Variants in MEPE observed in about 807,000 individuals in gnomAD.
The protein encoded by MEPE is matrix, extracellular phosphoglycoprotein with ASARM motif (bone).
A neutral mutation model predicts 7.3 loss-of-function variants in MEPE; 7 were observed. The observed-to-expected ratio is 0.95, with a 90% CI of 0.54 to 1.79. MEPE has a LOEUF of 1.79. Ranked by LOEUF, MEPE falls within the 40% of genes most tolerant of loss-of-function variation. MEPE has a pLI of 0.00. For synonymous variants in MEPE, 214 were observed against 213.1 expected, an observed-to-expected ratio of 1.00 and a Z score of -0.04; for missense variants, 623 against 628.2, an observed-to-expected ratio of 0.99 and a Z score of 0.09.
At position 87,846,473 on chromosome 4, in the gene MEPE, C is replaced by T. The variant is rs1165571662; in HGVS notation, c.*27C>T. 1.3e-6 allele frequency: 2 copies of T among 1,593,848 alleles called. No individual in the cohort carries two copies. The highest frequency in any genetic ancestry group is 2.7e-5 in the African/African-American group (2 of 74,282). ...CCACCAGGAGTTCCCAGCGGGGTGA[C>T]AGTCTGAAGACCTCGTCACCTGTGA... On this transcript the variant is annotated 3_prime_UTR_variant, in exon 4 of 4. Coordinates refer to ENST00000361056, the MANE Select transcript of MEPE (RefSeq NM_020203.6).
chr4:87,834,839 AC>A, intron 2 of MEPE, 71 bp downstream of exon 2: 1 of 1,345,782 alleles, frequency 7.4e-7, no homozygotes, highest in Non-Finnish European at 1.0e-6. Flanking sequence ...CTTTCAAGCA[AC>A]GTCTATTTAA....
At position 87,846,487 on chromosome 4, in the gene MEPE, C is replaced by T. The variant is rs755112401; in HGVS notation, c.*41C>T. 8 of 1,575,818 alleles carry T rather than the reference C, an allele frequency of 5.1e-6. No individual in the cohort carries two copies. The highest frequency in any genetic ancestry group is 3.6e-5 in the South Asian group (3 of 83,764). On this transcript the variant is annotated 3_prime_UTR_variant, in exon 4 of 4. Coordinates refer to ENST00000361056, the MANE Select transcript of MEPE (RefSeq NM_020203.6). ...CAGCGGGGTGACAGTCTGAAGACCTCGTCACCTGTGAGTTGATGTAGAGGA... is the reference window on the plus strand; with the variant it reads ...CAGCGGGGTGACAGTCTGAAGACCTTGTCACCTGTGAGTTGATGTAGAGGA...
rs546697436 is a variant in MEPE, at chr4:87,824,728, G to T, written c.-13+3257G>T. ...TCTTTTCTTTGTGTTTTTTTTGTTT[G>T]TTTGTTTTCAATTTGAAGCTTTGTC... On this transcript the variant is annotated intron_variant, in intron 1 of 3. Coordinates refer to the MEPE transcript ENST00000424957. Among the ~76,000 whole-genome samples the T allele has an allele frequency of 2.6e-5, 4 of 152,036 alleles. No individual in the cohort carries two copies. In the South Asian group the frequency reaches 8.3e-4, roughly 32 times the overall value.
chr4:87,842,993 C>T (rs372730192), intron 3 of MEPE, among the ~76,000 whole-genome samples: 141 of 152,246 alleles, frequency 9.3e-4, no homozygotes, highest in South Asian at 6.8e-3. Flanking sequence ...CCCTTAACAT[C>T]AATATGTCTA....
chr4:87,846,551 G>T lies in MEPE; in HGVS notation c.*105G>T. The stretch of plus-strand genomic sequence containing the variant: ...GCTGACCAGGTGAAGAGAGGATAGA[G>T]TGAAGAACTGAGTGAGCCAAGAATC... On this transcript the variant is annotated 3_prime_UTR_variant, in exon 4 of 4. Transcript: ENST00000361056. The T allele has an allele frequency of 7.7e-7, 1 of 1,297,070 alleles. No homozygotes were observed. Among genetic ancestry groups the T allele is most frequent in the Non-Finnish European group, 1.1e-6 (1 of 947,302 alleles). The allele number at this position is 1,297,070 out of a possible 1,614,324, so 80.3% of individuals were successfully genotyped here. A position where few individuals can be genotyped will look rare whatever the true frequency, so the allele number is the denominator to read the frequency against.
At chr4:87,834,662 C>A (rs1038141920) in intron 1 of MEPE, 41 bp from the exon 2 acceptor site, 9 of 1,491,786 alleles carry the variant, frequency 6.0e-6, no homozygotes, top group Middle Eastern at 1.7e-4. Flanking sequence ...CAGTTTATAA[C>A]TGGCAATGCT....
In MEPE at chr4:87,845,887, A is replaced by G; in HGVS notation, c.1019A>G (p.Asp340Gly). 1 of 1,614,040 alleles carries G rather than the reference A, an allele frequency of 6.2e-7. No individual in the cohort carries two copies. The highest frequency in any genetic ancestry group is 8.5e-7 in the Non-Finnish European group (1 of 1,179,962). ...VDVSLVEGSN[D>G]IMGSTNFKEL... ...GTCAGCCTTGTAGAGGGCAGCAACGATATCATGGGTAGTACCAATTTTAAG... is the reference window on the plus strand; with the variant it reads ...GTCAGCCTTGTAGAGGGCAGCAACGGTATCATGGGTAGTACCAATTTTAAG... The change falls in exon 4 of 4, where the codon GAT (aspartate) becomes GGT (glycine). Residue 340 changes from aspartate (D) to glycine (G), a missense_variant. Physicochemically the swap from Asp to Gly is moderately conservative, Grantham distance 94. Transcript: ENST00000361056.
chr4:87,835,778 T>C (rs1350948500), intron 2 of MEPE, among the ~76,000 whole-genome samples: 2 of 152,134 alleles, frequency 1.3e-5, no homozygotes, highest in African/African-American at 4.8e-5. Flanking sequence ...CAGGTGCCTC[T>C]CCCACCTCTC....
rs151093256 is a variant in MEPE, at chr4:87,846,209, C to A, written c.1341C>A (p.Ile447=). 23 of 1,613,814 alleles carry A rather than the reference C, an allele frequency of 1.4e-5. No individual in the cohort carries two copies. In the Admixed American group the frequency reaches 1.5e-4, roughly 11 times the overall value. ...PIPSRGLDNE[I]KNEMDSFNGP... ...CTTCTCGTGGTCTTGATAATGAAAT[C>A]AAAAACGAAATGGATTCCTTTAATG... Residue 447 remains isoleucine, a synonymous_variant, in exon 4 of 4, where the codon ATC becomes ATA. Transcript: ENST00000361056.
chr4:87,836,697 A>G (rs1722808408), intron 2 of MEPE, among the ~76,000 whole-genome samples: 1 of 152,210 alleles, frequency 6.6e-6, no homozygotes, highest in Non-Finnish European at 1.5e-5. Flanking sequence ...ATTTCCTCTT[A>G]TTACTAAATG....
At chr4:87,823,009 T>G (rs953048013) in intron 1 of MEPE, among the ~76,000 whole-genome samples, 3 of 152,234 alleles carry the variant, frequency 2.0e-5, no homozygotes, top group Admixed American at 1.3e-4. Flanking sequence ...GCAGCTCCCC[T>G]GAATACCTCT....
At chr4:87,841,901 T>C (rs1723030742) in intron 3 of MEPE, among the ~76,000 whole-genome samples, 1 of 152,208 alleles carries the variant, frequency 6.6e-6, no homozygotes, top group Admixed American at 6.5e-5. Flanking sequence ...ATCCAGTAAT[T>C]ACATGACTAT....
intron 1 of MEPE, among the ~76,000 whole-genome samples, chr4:87,834,166 G>A (rs1469990297): frequency 1.3e-5 from 2 of 152,188 alleles, no homozygotes; most frequent in Non-Finnish European, 2.9e-5. Flanking sequence ...ATTAATGTCA[G>A]TGTTGCAAAA....
chr4:87,846,165 A>T lies in MEPE; in HGVS notation c.1297A>T (p.Ser433Cys). The T allele has an allele frequency of 6.2e-7, 1 of 1,614,100 alleles. No homozygotes were observed. Residue 433 changes from serine (S) to cysteine (C), a missense_variant, in exon 4 of 4, where the codon AGT becomes TGT. Ser to Cys is a moderately radical substitution (Grantham distance 112). Coordinates refer to ENST00000361056, the MANE Select transcript of MEPE (RefSeq NM_020203.6). ...ACAAAGGTTTCCTAGTAAGGGCAAA[A>T]GTCAGGGCCTGCCCATTCCTTCTCG... ...EKQRFPSKGK[S>C]QGLPIPSRGL...
upstream of MEPE, among the ~76,000 whole-genome samples, chr4:87,831,549 A>G (rs1307096407): frequency 6.6e-6 from 1 of 152,088 alleles, no homozygotes; most frequent in Non-Finnish European, 1.5e-5. Context: ...TCAAGCCTCC[A>G]TCATCTCTGG....
upstream of MEPE, among the ~76,000 whole-genome samples, chr4:87,832,698 T>C (rs1722629932): frequency 6.6e-6 from 1 of 152,226 alleles, no homozygotes; most frequent in Admixed American, 6.5e-5. Context: ...ATTCAGTCAG[T>C]CCTAATTAGC....
upstream of MEPE, among the ~76,000 whole-genome samples, chr4:87,832,297 T>C (rs1319614115): frequency 6.6e-6 from 1 of 152,136 alleles, no homozygotes; most frequent in Non-Finnish European, 1.5e-5. Flanking sequence ...ATTGAAACCA[T>C]AACAAGGTCT....
upstream of MEPE, among the ~76,000 whole-genome samples, chr4:87,828,531 C>T (rs1722526648): frequency 6.6e-6 from 1 of 151,830 alleles, no homozygotes; most frequent in Non-Finnish European, 1.5e-5. Flanking sequence ...GCAATTAATC[C>T]CAGAGCACAA....
chr4:87,828,695 T>C (rs975954555), upstream of MEPE, among the ~76,000 whole-genome samples: 2 of 152,168 alleles, frequency 1.3e-5, no homozygotes, highest in African/African-American at 2.4e-5. Context: ...AAGTGATCGA[T>C]AAGAAATGAA....
Sources: gnomAD v4.1 joint callset for allele counts (sites outside exome capture counted in the v4.1 genomes callset) on GRCh38, gnomAD v4.1.1 for gene constraint, MANE v1.5 for transcripts, NCBI Gene and HGNC (gene_info 2026-07-23, HGNC 2026-07-21) for gene names.